PCDHA2: variants seen among roughly 807,000 people sequenced by gnomAD.
The protein encoded by PCDHA2 is protocadherin alpha 2.
PCDHA2 carries 58 observed loss-of-function variants against 66.0 expected under a neutral mutation model. That is an observed-to-expected ratio of 0.88 (90% CI 0.71 to 1.09). The LOEUF (loss-of-function observed/expected upper bound fraction) is 1.09, where lower values mean the gene tolerates loss of function less well. PCDHA2 is among the 50% of genes least tolerant of loss of function. PCDHA2 has a pLI of 0.00. For missense variants in PCDHA2, 1,267 were observed against 1,242.3 expected, an observed-to-expected ratio of 1.02 and a Z score of -0.30; for synonymous variants, 634 against 554.0, an observed-to-expected ratio of 1.14 and a Z score of -2.03.
intron 1 of PCDHA2, chr5:140,875,943 T>C (rs371245562): frequency 1.9e-6 from 3 of 1,614,072 alleles, no homozygotes; most frequent in African/African-American, 2.7e-5. Flanking sequence ...TAGAGGGCGC[T>C]TCTGATGCGG....
chr5:140,857,610 C>T (rs1436552212), intron 1 of PCDHA2: 2 of 1,596,344 alleles, frequency 1.3e-6, no homozygotes, highest in South Asian at 2.2e-5. Flanking sequence ...GCGCTGCAGC[C>T]GCTGGACCAC....
At chr5:140,907,480 CA>C (rs1384591200) in intron 1 of PCDHA2, among the ~76,000 whole-genome samples, 2 of 152,212 alleles carry the variant, frequency 1.3e-5, no homozygotes, top group African/African-American at 4.8e-5. Context: ...GCAGGATAGG[CA>C]AACCCATATC....
chr5:140,855,992 T>A lies in PCDHA2; in HGVS notation c.2388+58640T>A, dbSNP rs2043714140. On this transcript the variant is annotated intron_variant, in intron 1 of 3. Transcript: ENST00000526136. ...AAGAAATAGGACAGAAAATGTCAGA[T>A]CGTATGTGCGTTCTAGACCGCTGAT... 1.6e-5 allele frequency: 24 copies of A among 1,492,840 alleles called. 4 individuals carry two copies. The highest frequency in any genetic ancestry group is 1.2e-4 in the South Asian group (9 of 76,326). 92.5% of individuals were successfully genotyped at this position (1,492,840 alleles called of 1,614,324 possible).
At chr5:140,876,039 T>C in intron 1 of PCDHA2, 1 of 1,613,746 alleles carries the variant, frequency 6.2e-7, no homozygotes, top group Non-Finnish European at 8.5e-7. Context: ...AAGATAAAAG[T>C]ATATTGCCTG....
chr5:140,929,082 G>A, intron 1 of PCDHA2: 2 of 1,614,216 alleles, frequency 1.2e-6, no homozygotes, highest in South Asian at 1.1e-5. Flanking sequence ...ATGGAAGTAA[G>A]ATGGTTTCAA....
At chr5:140,833,462 C>A (rs1291648288) in intron 1 of PCDHA2, among the ~76,000 whole-genome samples, 3 of 152,102 alleles carry the variant, frequency 2.0e-5, no homozygotes, top group Non-Finnish European at 4.4e-5. Context: ...AATAAACTTA[C>A]ATTTTAAAAG....
intron 1 of PCDHA2, chr5:140,816,076 T>A (rs1554126966): frequency 6.6e-6 from 1 of 152,204 alleles, no homozygotes; most frequent in East Asian, 1.9e-4. Context: ...GATGTAATTT[T>A]AAAAAATAAG....
chr5:140,931,188 G>A (rs782167226), intron 1 of PCDHA2, among the ~76,000 whole-genome samples: 1 of 152,126 alleles, frequency 6.6e-6, no homozygotes, highest in South Asian at 2.1e-4. Flanking sequence ...GGAAATTGGT[G>A]CACTACAATG....
At chr5:140,876,923 C>T in intron 1 of PCDHA2, 1 of 1,613,834 alleles carries the variant, frequency 6.2e-7, no homozygotes. Flanking sequence ...GACGCGGACG[C>T]GCAGAAGAAC....
At chr5:140,985,712 A>G (rs1319708410) in intron 3 of PCDHA2, among the ~76,000 whole-genome samples, 2 of 148,826 alleles carry the variant, frequency 1.3e-5, no homozygotes, top group Non-Finnish European at 3.0e-5. Context: ...TGTTTCTTAA[A>G]GTTATTTTTC....
intron 1 of PCDHA2, chr5:140,870,137 A>C (rs1554163840): frequency 6.2e-7 from 1 of 1,613,940 alleles, no homozygotes; most frequent in Non-Finnish European, 8.5e-7. Flanking sequence ...ACCAACGATA[A>C]CTCTCCTGAA....
At chr5:140,830,108 G>A (rs1472585258) in intron 1 of PCDHA2, 2 of 1,613,452 alleles carry the variant, frequency 1.2e-6, no homozygotes, top group African/African-American at 2.7e-5. Flanking sequence ...GGTGGAGAGT[G>A]GCCAGGCTCC....
At chr5:140,838,599 C>T (rs1240521392) in intron 1 of PCDHA2, among the ~76,000 whole-genome samples, 1 of 151,906 alleles carries the variant, frequency 6.6e-6, no homozygotes, top group African/African-American at 2.4e-5. Context: ...ACCGAATTGT[C>T]TAGACTTTTA....
intron 1 of PCDHA2, chr5:140,966,970 G>A (rs1554228990): frequency 6.2e-7 from 1 of 1,602,870 alleles, no homozygotes; most frequent in Admixed American, 1.7e-5. Flanking sequence ...TGGGGCTTGA[G>A]CTGCGGCGCT....
At chr5:140,920,412 ACAGCTGTTCTC>A (rs1294144005) in intron 1 of PCDHA2, among the ~76,000 whole-genome samples, 2 of 152,146 alleles carry the variant, frequency 1.3e-5, no homozygotes, top group African/African-American at 4.8e-5. Context: ...TTAATCAGAT[ACAGCTGTTCTC>A]CCACACACCT....
chr5:140,838,953 TA>T (rs1215369641), intron 1 of PCDHA2, among the ~76,000 whole-genome samples: 1 of 151,860 alleles, frequency 6.6e-6, no homozygotes, highest in Non-Finnish European at 1.5e-5. Flanking sequence ...TAAAATAAAA[TA>T]AAAACCCAGA....
chr5:140,890,220 C>A (rs955015481), intron 1 of PCDHA2, among the ~76,000 whole-genome samples: 18 of 152,044 alleles, frequency 1.2e-4, no homozygotes, highest in Non-Finnish European at 2.6e-4. Flanking sequence ...TCCCAGAGAC[C>A]TAGTTGTTAA....
chr5:140,857,986 A>G (rs782102316), intron 1 of PCDHA2: 4 of 1,596,686 alleles, frequency 2.5e-6, no homozygotes, highest in East Asian at 2.2e-5. Flanking sequence ...GCCAGCGCCT[A>G]CTGGTGCTGG....
chr5:140,967,908 A>G (rs554849478), intron 1 of PCDHA2: 5 of 1,614,138 alleles, frequency 3.1e-6, no homozygotes, highest in East Asian at 2.2e-5. Flanking sequence ...GCTACACCCA[A>G]CACCATTGTG....
Sources: allele counts gnomAD v4.1 joint callset (sites outside exome capture counted in the v4.1 genomes callset), GRCh38; gene constraint gnomAD v4.1.1; transcripts MANE v1.5; gene names NCBI Gene and HGNC (gene_info 2026-07-23, HGNC 2026-07-21).